The following RAB3C variants were observed in gnomAD, a reference collection of about 807,000 sequenced individuals.
The protein encoded by RAB3C is RAB3C, member RAS oncogene family.
Under a neutral mutation model 26.4 loss-of-function variants are expected in RAB3C, and 17 were observed. The observed-to-expected ratio is 0.64, with a 90% CI of 0.44 to 0.97. The LOEUF (loss-of-function observed/expected upper bound fraction) is 0.97, where lower values mean the gene tolerates loss of function less well. Ranked by LOEUF, RAB3C falls within the 50% of genes least tolerant of loss-of-function variation. The pLI is 0.00. For missense variants in RAB3C, 242 were observed against 281.9 expected (o/e 0.86, Z 1.01); for synonymous variants, 91 against 95.9 (o/e 0.95, Z 0.30).
chr5:58,756,352 T>TATATAAC (rs1388116418), intron 3 of RAB3C, among the ~76,000 whole-genome samples: 2 of 140,296 alleles, frequency 1.4e-5, no homozygotes, highest in African/African-American at 2.8e-5. Context: ...ATATGTTATA[T>TATATAAC]ATATATATAA....
chr5:58,834,974 T>C (rs992926728), intron 4 of RAB3C, among the ~76,000 whole-genome samples: 16 of 152,270 alleles, frequency 1.1e-4, no homozygotes, highest in African/African-American at 3.4e-4. Context: ...TGACCATGCA[T>C]CCCAGTTTGC....
At chr5:58,679,498 A>T (rs943461853) in intron 2 of RAB3C, among the ~76,000 whole-genome samples, 2 of 152,182 alleles carry the variant, frequency 1.3e-5, no homozygotes, top group Admixed American at 6.5e-5. Flanking sequence ...CTGTGTCTTT[A>T]TCTAGAACAT....
intron 3 of RAB3C, among the ~76,000 whole-genome samples, chr5:58,780,323 T>C (rs1742242610): frequency 6.6e-6 from 1 of 152,158 alleles, no homozygotes; most frequent in Admixed American, 6.6e-5. Flanking sequence ...ACAAAGCTTC[T>C]AAATTTGGTT....
chr5:58,804,346 C>T (rs963578063), intron 3 of RAB3C, among the ~76,000 whole-genome samples: 1 of 152,110 alleles, frequency 6.6e-6, no homozygotes, highest in African/African-American at 2.4e-5. Context: ...TTCCTATTGC[C>T]TCCCCCAGGC....
At chr5:58,830,381 G>A (rs888996173) in intron 4 of RAB3C, among the ~76,000 whole-genome samples, 1 of 152,148 alleles carries the variant, frequency 6.6e-6, no homozygotes. Context: ...GCTAATGGGG[G>A]GAGTTTGCAT....
At chr5:58,592,149 T>C (rs572357190) in intron 1 of RAB3C, among the ~76,000 whole-genome samples, 1 of 152,154 alleles carries the variant, frequency 6.6e-6, no homozygotes, top group Non-Finnish European at 1.5e-5. Context: ...TCCACCTGCG[T>C]CGGCCTCCTA....
intron 2 of RAB3C, among the ~76,000 whole-genome samples, chr5:58,623,633 A>T (rs1561270275): frequency 6.6e-6 from 1 of 152,252 alleles, no homozygotes; most frequent in Non-Finnish European, 1.5e-5. Context: ...AGCTGAACGC[A>T]GGAGCTCCTA....
intron 1 of RAB3C, among the ~76,000 whole-genome samples, chr5:58,587,354 C>G (rs1366441021): frequency 2.0e-5 from 3 of 152,128 alleles, no homozygotes; most frequent in Non-Finnish European, 4.4e-5. Context: ...ATACAAGCAG[C>G]TGGGCCACCT....
chr5:58,737,101 T>C (rs1741155099), intron 3 of RAB3C, among the ~76,000 whole-genome samples: 1 of 152,064 alleles, frequency 6.6e-6, no homozygotes, highest in Non-Finnish European at 1.5e-5. Context: ...GCTGCTTATC[T>C]TCTCCACATG....
intron 1 of RAB3C, among the ~76,000 whole-genome samples, chr5:58,616,497 G>T (rs918437498): frequency 1.6e-4 from 24 of 152,074 alleles, no homozygotes; most frequent in African/African-American, 4.6e-4. Context: ...GTACTTAGAA[G>T]TAATGCAATA....
chr5:58,831,516 T>C (rs1441026194), intron 4 of RAB3C, among the ~76,000 whole-genome samples: 1 of 152,184 alleles, frequency 6.6e-6, no homozygotes, highest in African/African-American at 2.4e-5. Flanking sequence ...TATGTCCAAA[T>C]TACACTGAGA....
intron 2 of RAB3C, among the ~76,000 whole-genome samples, chr5:58,642,799 A>G (rs1173281640): frequency 6.6e-6 from 1 of 152,214 alleles, no homozygotes; most frequent in African/African-American, 2.4e-5. Context: ...AGTGCAAACT[A>G]AATACAGTAT....
intron 2 of RAB3C, among the ~76,000 whole-genome samples, chr5:58,650,925 G>C (rs1747635338): frequency 6.6e-6 from 1 of 152,126 alleles, no homozygotes; most frequent in Non-Finnish European, 1.5e-5. Context: ...ATAGAAAACA[G>C]CTTTGAATGT....
chr5:58,835,211 T>A (rs1434261649), intron 4 of RAB3C, among the ~76,000 whole-genome samples: 1 of 152,158 alleles, frequency 6.6e-6, no homozygotes, highest in Non-Finnish European at 1.5e-5. Flanking sequence ...GTGAATAAAC[T>A]CTCAAGACTC....
At chr5:58,797,349 AAAAAATATGTATATATATAAT>A (rs1426212045) in intron 3 of RAB3C, among the ~76,000 whole-genome samples, 4 of 12,894 alleles carry the variant, frequency 3.1e-4, no homozygotes, top group South Asian at 3.2e-3. Context: ...CAAAAAAAAA[AAAAAATATGTATATATATAAT>A]ATATATATAT....
chr5:58,813,252 T>C (rs1743126912), intron 3 of RAB3C, among the ~76,000 whole-genome samples: 1 of 152,186 alleles, frequency 6.6e-6, no homozygotes, highest in Non-Finnish European at 1.5e-5. Context: ...TACATATTAT[T>C]CATACAATCA....
intron 3 of RAB3C, among the ~76,000 whole-genome samples, chr5:58,748,672 A>G (rs1179844060): frequency 6.6e-6 from 1 of 152,174 alleles, no homozygotes; most frequent in East Asian, 1.9e-4. Flanking sequence ...ATGAAATAAT[A>G]TGTCCTAGAT....
intron 4 of RAB3C, among the ~76,000 whole-genome samples, chr5:58,834,683 A>G (rs1347487064): frequency 2.0e-5 from 3 of 152,198 alleles, no homozygotes; most frequent in Non-Finnish European, 4.4e-5. Context: ...CCACCCTACC[A>G]TTATATCCCC....
chr5:58,762,271 A>T (rs1211168617), intron 3 of RAB3C, among the ~76,000 whole-genome samples: 2 of 152,202 alleles, frequency 1.3e-5, no homozygotes, highest in Non-Finnish European at 2.9e-5. Context: ...GAAGGTGACC[A>T]TATTGGACAG....
Sources: allele counts gnomAD v4.1 joint callset (sites outside exome capture counted in the v4.1 genomes callset), GRCh38; gene constraint gnomAD v4.1.1; transcripts MANE v1.5; gene names NCBI Gene and HGNC (gene_info 2026-07-23, HGNC 2026-07-21).